Variants in DPP10 observed in about 807,000 individuals in gnomAD.
DPP10 encodes the protein inactive dipeptidyl peptidase 10.
DPP10 carries 33 observed loss-of-function variants against 120.9 expected under a neutral mutation model. The ratio of observed to expected loss-of-function variants is 0.27; its 90% CI spans 0.21 to 0.37. DPP10 has a LOEUF of 0.37. Among genes scored for constraint, DPP10 ranks in the 10% least tolerant of loss-of-function variants. DPP10 has a pLI of 1.00. For missense variants in DPP10, 816 were observed against 942.8 expected, an observed-to-expected ratio of 0.87 and a Z score of 1.76; for synonymous variants, 337 against 326.1, an observed-to-expected ratio of 1.03 and a Z score of -0.36.
chr2:115,355,173 T>G (rs1005984749), intron 3 of DPP10, among the ~76,000 whole-genome samples: 1 of 152,120 alleles, frequency 6.6e-6, no homozygotes, highest in African/African-American at 2.4e-5. Flanking sequence ...ACCAACAGTG[T>G]AAGTAATTGT....
At chr2:115,181,638 T>C (rs925627823) in intron 1 of DPP10, among the ~76,000 whole-genome samples, 2 of 152,150 alleles carry the variant, frequency 1.3e-5, no homozygotes, top group African/African-American at 4.8e-5. Flanking sequence ...AGAATCAACC[T>C]TAGGAGTTAT....
At chr2:114,478,280 C>T (rs1680695752) in intron 1 of DPP10, among the ~76,000 whole-genome samples, 1 of 151,986 alleles carries the variant, frequency 6.6e-6, no homozygotes, top group Non-Finnish European at 1.5e-5. Flanking sequence ...AAAATCAATG[C>T]AATTCCTCTT....
At chr2:115,596,497 G>C (rs1029112932) in intron 5 of DPP10, among the ~76,000 whole-genome samples, 18 of 152,024 alleles carry the variant, frequency 1.2e-4, no homozygotes, top group African/African-American at 4.1e-4. Context: ...AGACATACAG[G>C]CAGAGAAACA....
chr2:114,603,630 A>G lies in DPP10; in HGVS notation c.60+160792A>G, dbSNP rs143093393. 7.9e-4 allele frequency among the ~76,000 whole-genome samples: 120 copies of G among 152,222 alleles called. 1 individual carries two copies. The highest frequency in any genetic ancestry group is 2.8e-3 in the African/African-American group (117 of 41,560). On this transcript the variant is annotated intron_variant, in intron 1 of 25. Transcript: ENST00000410059. Reference sequence around the variant, plus strand: ...CCTGGCTCCAGTAAGGAAAGTGAAAATGACTAATGATTTTCTTTATCCAGT... The same window carrying G: ...CCTGGCTCCAGTAAGGAAAGTGAAAGTGACTAATGATTTTCTTTATCCAGT...
intron 15 of DPP10, among the ~76,000 whole-genome samples, chr2:115,778,153 C>T (rs1356522251): frequency 1.3e-5 from 2 of 152,134 alleles, no homozygotes; most frequent in East Asian, 3.9e-4. Context: ...TCCCTCGTGC[C>T]TTCATCTTCT....
At chr2:114,668,850 C>G (rs932764376) in intron 1 of DPP10, among the ~76,000 whole-genome samples, 1 of 151,978 alleles carries the variant, frequency 6.6e-6, no homozygotes, top group African/African-American at 2.4e-5. Flanking sequence ...AAGTTATGCC[C>G]TTTATTATTT....
At chr2:114,935,449 C>G (rs1036506761) in intron 1 of DPP10, among the ~76,000 whole-genome samples, 1 of 152,070 alleles carries the variant, frequency 6.6e-6, no homozygotes, top group East Asian at 1.9e-4. Context: ...TTTTATTGAG[C>G]CATGTTATGT....
chr2:114,624,823 A>T (rs1281543090), intron 1 of DPP10, among the ~76,000 whole-genome samples: 2 of 151,958 alleles, frequency 1.3e-5, no homozygotes, highest in Non-Finnish European at 2.9e-5. Flanking sequence ...TAACAATAGG[A>T]TAATAAAGCA....
intron 1 of DPP10, chr2:114,833,897 ATGACACATGGTGG>A (rs1462367799): frequency 6.6e-6 from 1 of 152,106 alleles, no homozygotes; most frequent in African/African-American, 2.4e-5. Flanking sequence ...AAGAATTTGG[ATGACACATGGTGG>A]TGCTTCTGCC....
intron 1 of DPP10, among the ~76,000 whole-genome samples, chr2:114,531,661 C>T (rs1430106): frequency 0.99 from 149,142 of 151,228 alleles, 73,572 homozygotes; most frequent in Middle Eastern, 1. Flanking sequence ...TTGAGAACCC[C>T]GATTGATACA....
intron 1 of DPP10, among the ~76,000 whole-genome samples, chr2:114,589,667 A>G (rs1691294822): frequency 6.6e-6 from 1 of 152,236 alleles, no homozygotes; most frequent in East Asian, 1.9e-4. Context: ...AATACATTGA[A>G]TAATTATCTT....
chr2:115,462,076 C>G (rs2074020330), intron 3 of DPP10, among the ~76,000 whole-genome samples: 1 of 152,082 alleles, frequency 6.6e-6, no homozygotes, highest in Non-Finnish European at 1.5e-5. Context: ...TCCAAAGGTG[C>G]CTCAAGCTTA....
intron 1 of DPP10, among the ~76,000 whole-genome samples, chr2:114,446,724 C>G (rs931456576): frequency 6.6e-6 from 1 of 152,124 alleles, no homozygotes; most frequent in African/African-American, 2.4e-5. Context: ...AGCTGGCAAA[C>G]TTTTTCATGG....
chr2:115,556,084 T>C (rs2080192193), intron 5 of DPP10, among the ~76,000 whole-genome samples: 1 of 152,154 alleles, frequency 6.6e-6, no homozygotes, highest in South Asian at 2.1e-4. Context: ...ATATTAGTAT[T>C]TTTCTGAGTT....
At chr2:115,485,569 T>G (rs1373548527) in intron 3 of DPP10, among the ~76,000 whole-genome samples, 1 of 142,708 alleles carries the variant, frequency 7.0e-6, no homozygotes, top group Non-Finnish European at 1.6e-5. Context: ...CTAAATCAAT[T>G]TTCTATTTAA....
intron 1 of DPP10, among the ~76,000 whole-genome samples, chr2:115,169,653 T>A (rs999425692): frequency 3.3e-5 from 5 of 152,206 alleles, no homozygotes; most frequent in African/African-American, 1.2e-4. Context: ...AGGAATGATT[T>A]ACTTAGAAAT....
chr2:115,498,200 G>A (rs557103677), intron 3 of DPP10, among the ~76,000 whole-genome samples: 1 of 152,186 alleles, frequency 6.6e-6, no homozygotes, highest in African/African-American at 2.4e-5. Context: ...CTGGCCCTCT[G>A]TGTTATTCTT....
At chr2:115,201,006 A>G (rs886109004) in intron 1 of DPP10, among the ~76,000 whole-genome samples, 2 of 152,216 alleles carry the variant, frequency 1.3e-5, no homozygotes, top group African/African-American at 4.8e-5. Flanking sequence ...ATGTTCCTCA[A>G]TTCATAGCAA....
intron 1 of DPP10, among the ~76,000 whole-genome samples, chr2:114,608,701 A>G (rs910483702): frequency 1.3e-5 from 2 of 151,804 alleles, no homozygotes; most frequent in Non-Finnish European, 2.9e-5. Context: ...ACTGCTACAC[A>G]GCCAAAAAAA....
Sources: gnomAD v4.1 joint callset for allele counts (sites outside exome capture counted in the v4.1 genomes callset) on GRCh38, gnomAD v4.1.1 for gene constraint, MANE v1.5 for transcripts, NCBI Gene and HGNC (gene_info 2026-07-23, HGNC 2026-07-21) for gene names.